Variants in EFCAB3 observed in about 807,000 individuals in gnomAD.
EFCAB3 encodes EF-hand calcium-binding domain-containing protein 3.
Under a neutral mutation model 42.2 loss-of-function variants are expected in EFCAB3, and 36 were observed. The ratio of observed to expected loss-of-function variants is 0.85; its 90% confidence interval spans 0.65 to 1.13. The LOEUF is 1.13. Ranked by LOEUF, EFCAB3 falls within the 50% of genes most tolerant of loss-of-function variation. The probability of loss-of-function intolerance (pLI) is 0.00; values close to 1 mark genes in which losing one functional copy is unlikely to be tolerated. For missense variants in EFCAB3, 418 were observed against 505.1 expected (o/e 0.83, Z 1.65); for synonymous variants, 170 against 172.8 (o/e 0.98, Z 0.13).
At chr17:62,413,948 T>G in intron 9 of EFCAB3, 94 bp downstream of exon 9, 2 of 1,350,642 alleles carry the variant, frequency 1.5e-6, no homozygotes, top group South Asian at 1.6e-5. Context: ...AATTTTTATC[T>G]GCTCTATGTC....
intron 3 of EFCAB3, among the ~76,000 whole-genome samples, chr17:62,390,000 A>C (rs1286616555): frequency 6.6e-6 from 1 of 151,822 alleles, no homozygotes; most frequent in Non-Finnish European, 1.5e-5. Context: ...GTTAGCCAGG[A>C]TGGTCTCGAT....
rs534889297 is a variant in EFCAB3 at position 62,392,795 on chromosome 17, G to A, written c.296-778G>A. On this transcript the variant is annotated intron_variant, in intron 4 of 9. Transcript: ENST00000305286. ...TGGGACTACAGGCGCCCGCCACCAT[G>A]CCCGGCTAATTTTTTGTATTTTTAG... 2.0e-5 allele frequency among the ~76,000 whole-genome samples: 3 copies of A among 152,126 alleles called. No individual in the cohort carries two copies. The East Asian group carries it at 5.8e-4, about 29-fold the overall frequency.
chr17:62,409,839 T>C (rs1267510025), intron 8 of EFCAB3, among the ~76,000 whole-genome samples: 1 of 152,082 alleles, frequency 6.6e-6, no homozygotes, highest in South Asian at 2.1e-4. Context: ...TCTATTAAAC[T>C]ATATGTTTAT....
intron 6 of EFCAB3, among the ~76,000 whole-genome samples, chr17:62,396,147 G>A (rs2070346739): frequency 6.6e-6 from 1 of 152,176 alleles, no homozygotes; most frequent in East Asian, 1.9e-4. Flanking sequence ...CAATTGTGGG[G>A]CTGATATGTG....
chr17:62,410,883 G>A lies in EFCAB3; in HGVS notation c.868-2849G>A, dbSNP rs562241306. On this transcript the variant is annotated intron_variant, in intron 8 of 9. Transcript: ENST00000305286. ...GTAAGGGTTGCCCTCTCAGTAAAAG[G>A]AGGGGTAAGAAACTCAGTCCATAGC... 9.9e-4 allele frequency among the ~76,000 whole-genome samples: 151 copies of A among 152,268 alleles called. 1 individual carries two copies. Among genetic ancestry groups the A allele is most frequent in the African/African-American group, 3.4e-3 (143 of 41,546 alleles).
chr17:62,376,037 A>G (rs2144047484), upstream of EFCAB3, among the ~76,000 whole-genome samples: 1 of 152,268 alleles, frequency 6.6e-6, no homozygotes, highest in Non-Finnish European at 1.5e-5. Context: ...ACCTACTGCC[A>G]CTGAAATATA....
At chr17:62,370,314 C>T (rs1281472041) in exon 1 of EFCAB3, 2 of 1,551,616 alleles carry the variant, frequency 1.3e-6, no homozygotes, top group Admixed American at 2.0e-5. Context: ...CCTCATTTGA[C>T]ATTTAACGGT....
At chr17:62,388,765 A>C (rs2070277757) in intron 3 of EFCAB3, among the ~76,000 whole-genome samples, 1 of 152,178 alleles carries the variant, frequency 6.6e-6, no homozygotes, top group Admixed American at 6.5e-5. Flanking sequence ...ATCAACCTTT[A>C]TTGCTGGGAA....
intron 3 of EFCAB3, among the ~76,000 whole-genome samples, chr17:62,390,994 C>A (rs545103020): frequency 1.3e-5 from 2 of 152,208 alleles, no homozygotes; most frequent in African/African-American, 2.4e-5. Flanking sequence ...AACATACATA[C>A]ACACATATGT....
intron 1 of EFCAB3, among the ~76,000 whole-genome samples, chr17:62,372,673 C>T (rs1333231337): frequency 6.6e-6 from 1 of 152,150 alleles, no homozygotes; most frequent in Non-Finnish European, 1.5e-5. Flanking sequence ...AATTCCTTTC[C>T]AACATATTCA....
chr17:62,402,205 T>G (rs944874020), intron 6 of EFCAB3, among the ~76,000 whole-genome samples: 10 of 152,204 alleles, frequency 6.6e-5, no homozygotes, highest in African/African-American at 1.9e-4. Flanking sequence ...ACGATGGGGT[T>G]TTCTAAATAT....
At chr17:62,408,109 C>A (rs560968975) in intron 8 of EFCAB3, among the ~76,000 whole-genome samples, 1 of 152,296 alleles carries the variant, frequency 6.6e-6, no homozygotes, top group East Asian at 1.9e-4. Flanking sequence ...TACTCCTCCA[C>A]CCCAGATGCT....
chr17:62,373,074 A>G (rs1232225890), intron 1 of EFCAB3, among the ~76,000 whole-genome samples: 1 of 152,052 alleles, frequency 6.6e-6, no homozygotes, highest in Non-Finnish European at 1.5e-5. Flanking sequence ...TGAGACCAGG[A>G]GTTCGAGACC....
At chr17:62,387,300 C>A in intron 2 of EFCAB3, 40 bp from the exon 3 acceptor site, 1 of 1,508,560 alleles carries the variant, frequency 6.6e-7, no homozygotes, top group Non-Finnish European at 9.2e-7. Flanking sequence ...GCTGGTTTCA[C>A]ATAGGTAGTA....
At position 62,385,780 on chromosome 17, in the gene EFCAB3, C is replaced by T. The variant is rs376501534; in HGVS notation, c.75-1560C>T. Among the ~76,000 whole-genome samples, 16 of 134,872 alleles carry T rather than the reference C, an allele frequency of 1.2e-4. No individual in the cohort carries two copies. The East Asian group carries it at 3.0e-3, about 25-fold the overall frequency. 88.5% of individuals were successfully genotyped at this position (134,872 alleles called of 152,430 possible). A position where few individuals can be genotyped will look rare whatever the true frequency, so the allele number is the denominator to read the frequency against. On this transcript the variant is annotated intron_variant, in intron 2 of 9. Coordinates refer to ENST00000305286, the MANE Select transcript of EFCAB3 (RefSeq NM_173503.4). ...TGTCACCCAGACTGGAGTGCAGTGA[C>T]GTGATCTCTGCTCACTGCAAGCTCC...
chr17:62,398,429 G>A (rs1283495615), intron 6 of EFCAB3, among the ~76,000 whole-genome samples: 1 of 150,480 alleles, frequency 6.6e-6, no homozygotes, highest in Non-Finnish European at 1.5e-5. Flanking sequence ...ACTCCAGCCT[G>A]GACAACAGAG....
intron 1 of EFCAB3, among the ~76,000 whole-genome samples, chr17:62,380,994 T>C (rs2070191864): frequency 6.6e-6 from 1 of 152,172 alleles, no homozygotes; most frequent in South Asian, 2.1e-4. Flanking sequence ...AAATACACTC[T>C]ACATTTTTTT....
intron 2 of EFCAB3, among the ~76,000 whole-genome samples, chr17:62,375,154 G>A (rs1356970274): frequency 6.6e-6 from 1 of 152,132 alleles, no homozygotes; most frequent in Non-Finnish European, 1.5e-5. Context: ...ATAATTTAAG[G>A]TATATTATGC....
At chr17:62,371,515 G>A (rs920567585) in intron 1 of EFCAB3, among the ~76,000 whole-genome samples, 7 of 152,056 alleles carry the variant, frequency 4.6e-5, no homozygotes, top group Admixed American at 6.5e-5. Flanking sequence ...CCAAGATTGC[G>A]CCACTGCACT....
Sources: gnomAD v4.1 joint callset for allele counts (sites outside exome capture counted in the v4.1 genomes callset) on GRCh38, gnomAD v4.1.1 for gene constraint, MANE v1.5 for transcripts, NCBI Gene and HGNC (gene_info 2026-07-23, HGNC 2026-07-21) for gene names.